MKLN1: variants seen among roughly 807,000 people sequenced by gnomAD.
The protein encoded by MKLN1 is muskelin.
Under a neutral mutation model 99.0 loss-of-function variants are expected in MKLN1, and 18 were observed. That is an observed-to-expected ratio of 0.18 (90% confidence interval 0.13 to 0.27). The LOEUF (loss-of-function observed/expected upper bound fraction) is 0.27. Among genes scored for constraint, MKLN1 ranks in the 10% least tolerant of loss-of-function variants. MKLN1 has a pLI of 1.00. For missense variants in MKLN1, 621 were observed against 875.9 expected, an observed-to-expected ratio of 0.71 and a Z score of 3.67; for synonymous variants, 288 against 293.2, an observed-to-expected ratio of 0.98 and a Z score of 0.18.
intron 2 of MKLN1, among the ~76,000 whole-genome samples, chr7:131,168,052 C>A (rs78618574): frequency 0.051 from 7,839 of 152,242 alleles, 348 homozygotes; most frequent in African/African-American, 0.12. Context: ...TTTCCTAAAT[C>A]TTTTCAGTTT....
chr7:131,133,541 A>T (rs1795594525), intron 1 of MKLN1, among the ~76,000 whole-genome samples: 1 of 150,822 alleles, frequency 6.6e-6, no homozygotes, highest in Non-Finnish European at 1.5e-5. Context: ...TTTAGTAGAG[A>T]TGGGGTTTCA....
intron 1 of MKLN1, among the ~76,000 whole-genome samples, chr7:131,345,092 C>T (rs955241059): frequency 6.6e-6 from 1 of 152,202 alleles, no homozygotes; most frequent in Non-Finnish European, 1.5e-5. Context: ...AGGCATGAGC[C>T]ACCGCACCTG....
chr7:131,152,833 A>T (rs911822672), intron 2 of MKLN1, among the ~76,000 whole-genome samples: 1 of 151,924 alleles, frequency 6.6e-6, no homozygotes, highest in Non-Finnish European at 1.5e-5. Context: ...GTTGGTTGAT[A>T]TGTCCCTTAA....
intron 12 of MKLN1, among the ~76,000 whole-genome samples, chr7:131,448,118 C>T (rs1195843000): frequency 6.6e-6 from 1 of 152,142 alleles, no homozygotes; most frequent in Non-Finnish European, 1.5e-5. Context: ...GTCCCAGCTA[C>T]TCGGGAGGCT....
chr7:131,460,505 T>G (rs1240097361), intron 12 of MKLN1, among the ~76,000 whole-genome samples: 1 of 152,240 alleles, frequency 6.6e-6, no homozygotes, highest in Non-Finnish European at 1.5e-5. Context: ...TGGGAACATA[T>G]ATGATTAACA....
chr7:131,402,552 C>A (rs540271243), intron 6 of MKLN1, among the ~76,000 whole-genome samples: 1 of 152,250 alleles, frequency 6.6e-6, no homozygotes, highest in African/African-American at 2.4e-5. Context: ...ATTTACTTTG[C>A]CCAGATCCAT....
At chr7:131,211,182 A>G (rs1796901890) in intron 3 of MKLN1, among the ~76,000 whole-genome samples, 1 of 152,150 alleles carries the variant, frequency 6.6e-6, no homozygotes, top group Non-Finnish European at 1.5e-5. Flanking sequence ...CTGGTTGCTG[A>G]TAAAAATCAG....
At chr7:131,226,793 G>A (rs1486967668) in intron 3 of MKLN1, among the ~76,000 whole-genome samples, 2 of 152,074 alleles carry the variant, frequency 1.3e-5, no homozygotes, top group Non-Finnish European at 2.9e-5. Context: ...GTGTGTTTTT[G>A]TTTGTTGGGG....
chr7:131,124,041 C>A (rs1158206656), intron 1 of MKLN1, among the ~76,000 whole-genome samples: 1 of 152,140 alleles, frequency 6.6e-6, no homozygotes, highest in Non-Finnish European at 1.5e-5. Flanking sequence ...AGCTGCATGA[C>A]CTTGGGGTGA....
At chr7:131,148,827 A>T (rs1489213057) in intron 2 of MKLN1, among the ~76,000 whole-genome samples, 2 of 152,240 alleles carry the variant, frequency 1.3e-5, no homozygotes, top group African/African-American at 4.8e-5. Flanking sequence ...ATTGTGCCTT[A>T]ACAATTAAGT....
chr7:131,327,732 G>A, upstream of MKLN1: 1 of 1,270,482 alleles, frequency 7.9e-7, no homozygotes, highest in African/African-American at 1.5e-5. Flanking sequence ...AGCGACGTGG[G>A]AAACCCTGAG....
chr7:131,232,529 G>A (rs1162091960), intron 3 of MKLN1, among the ~76,000 whole-genome samples: 2 of 152,158 alleles, frequency 1.3e-5, no homozygotes, highest in African/African-American at 4.8e-5. Context: ...TAATTATAGT[G>A]ATATTGATTG....
At chr7:131,366,342 G>T (rs1386282653) in intron 1 of MKLN1, among the ~76,000 whole-genome samples, 1 of 151,944 alleles carries the variant, frequency 6.6e-6, no homozygotes, top group East Asian at 1.9e-4. Flanking sequence ...AAAATACTCT[G>T]CTTGACTGAC....
intron 12 of MKLN1, among the ~76,000 whole-genome samples, chr7:131,462,828 G>C (rs996184687): frequency 6.6e-6 from 1 of 152,134 alleles, no homozygotes; most frequent in Non-Finnish European, 1.5e-5. Context: ...ATCTTTTCAA[G>C]AGAAACTAGT....
intron 12 of MKLN1, among the ~76,000 whole-genome samples, chr7:131,461,486 AG>A (rs1270462218): frequency 6.6e-6 from 1 of 152,050 alleles, no homozygotes; most frequent in Non-Finnish European, 1.5e-5. Context: ...TTTATAATAT[AG>A]TTACTGTGAA....
chr7:131,176,723 T>C (rs1796304494), intron 2 of MKLN1, among the ~76,000 whole-genome samples: 2 of 152,260 alleles, frequency 1.3e-5, no homozygotes, highest in African/African-American at 2.4e-5. Flanking sequence ...CTGTTTCTTT[T>C]CCTGCAAATA....
At chr7:131,256,055 A>G (rs1028293765) in intron 3 of MKLN1, among the ~76,000 whole-genome samples, 1 of 151,400 alleles carries the variant, frequency 6.6e-6, no homozygotes, top group African/African-American at 2.4e-5. Flanking sequence ...ACAGACATGT[A>G]CCACCATACT....
At chr7:131,173,140 AACACAC>A (rs56672099) in intron 2 of MKLN1, among the ~76,000 whole-genome samples, 11 of 150,000 alleles carry the variant, frequency 7.3e-5, no homozygotes, top group East Asian at 2.0e-4. Context: ...TGTATATACA[AACACAC>A]ACACACACAC....
intron 1 of MKLN1, among the ~76,000 whole-genome samples, chr7:131,123,022 C>CAAAA (rs59581806): frequency 0.15 from 9,260 of 60,078 alleles, 2,926 homozygotes; most frequent in East Asian, 0.29. Context: ...GACTCCGTCT[C>CAAAA]AAAAAAAAAA....
Sources: allele counts gnomAD v4.1 joint callset (sites outside exome capture counted in the v4.1 genomes callset), GRCh38; gene constraint gnomAD v4.1.1; transcripts MANE v1.5; gene names NCBI Gene and HGNC (gene_info 2026-07-23, HGNC 2026-07-21).